The following ZBTB7C variants were observed in gnomAD, a reference collection of about 807,000 sequenced individuals.
ZBTB7C encodes the protein zinc finger and BTB domain-containing protein 7C.
ZBTB7C carries 8 observed loss-of-function variants against 25.7 expected under a neutral mutation model. That is an observed-to-expected ratio of 0.31 (90% CI 0.18 to 0.56). ZBTB7C has a LOEUF of 0.56. ZBTB7C is among the 20% of genes least tolerant of loss of function. The pLI, the probability that ZBTB7C is intolerant of heterozygous loss-of-function variation, is 0.91. For missense variants in ZBTB7C, 824 were observed against 855.2 expected (o/e 0.96, Z 0.46); for synonymous variants, 394 against 369.0 (o/e 1.07, Z -0.78).
intron 4 of ZBTB7C, among the ~76,000 whole-genome samples, chr18:48,033,034 G>T (rs1441432481): frequency 6.6e-6 from 1 of 152,174 alleles, no homozygotes; most frequent in Admixed American, 6.5e-5. Context: ...GCCCCTCCAG[G>T]AGTCTGGGAG....
chr18:48,046,800 GC>G (rs1220829867), intron 3 of ZBTB7C, among the ~76,000 whole-genome samples: 9 of 152,268 alleles, frequency 5.9e-5, no homozygotes, highest in African/African-American at 1.9e-4. Flanking sequence ...ACTTTGGGAG[GC>G]CCTTCCACTT....
At chr18:48,311,471 T>G (rs1027825471) in intron 2 of ZBTB7C, among the ~76,000 whole-genome samples, 2 of 152,172 alleles carry the variant, frequency 1.3e-5, no homozygotes, top group Non-Finnish European at 2.9e-5. Flanking sequence ...TGGAGACATT[T>G]TTGGTTGTCA....
chr18:48,196,268 G>A (rs1195902115), intron 2 of ZBTB7C, among the ~76,000 whole-genome samples: 1 of 152,192 alleles, frequency 6.6e-6, no homozygotes, highest in Non-Finnish European at 1.5e-5. Context: ...ACCCTTTGGG[G>A]AGTGGGCTAT....
At chr18:48,406,029 GA>G (rs1271957573) in intron 1 of ZBTB7C, among the ~76,000 whole-genome samples, 1 of 152,168 alleles carries the variant, frequency 6.6e-6, no homozygotes. Flanking sequence ...ATCCTGGGGA[GA>G]AGTCACTGCT....
chr18:48,361,691 T>C (rs1051602099), intron 1 of ZBTB7C, among the ~76,000 whole-genome samples: 2 of 152,240 alleles, frequency 1.3e-5, no homozygotes, highest in Non-Finnish European at 1.5e-5. Flanking sequence ...TAAAGAAATA[T>C]CAAGCCCAGG....
In ZBTB7C at chr18:48,028,204, C is replaced by A. The variant is rs535801623; in HGVS notation, c.*1056G>T. 1 of 152,176 alleles carries A rather than the reference C, an allele frequency of 6.6e-6. No individual in the cohort carries two copies. The highest frequency in any genetic ancestry group is 1.5e-5 in the Non-Finnish European group (1 of 68,070). 9.4% of individuals were successfully genotyped at this position (152,176 alleles called of 1,614,324 possible). On this transcript the variant is annotated 3_prime_UTR_variant, in exon 5 of 5. Coordinates refer to ENST00000590800, the MANE Select transcript of ZBTB7C (RefSeq NM_001318841.2). ...TGTTGCCAGGTGTTAAGAGGTGGCC[C>A]CCATCTCTTCGATGTTGGCCCTGAG...
In ZBTB7C at chr18:48,160,320, T is replaced by C. The variant is rs2040966371; in HGVS notation, c.-17+25614A>G. Among the ~76,000 whole-genome samples the C allele has an allele frequency of 2.0e-5, 3 of 152,270 alleles. No individual in the cohort carries two copies. In the South Asian group the frequency reaches 6.2e-4, roughly 31 times the overall value. On this transcript the variant is annotated intron_variant, in intron 3 of 4. Coordinates refer to ENST00000590800, the MANE Select transcript of ZBTB7C (RefSeq NM_001318841.2). Reference sequence around the variant, plus strand: ...GTTCATGCATCTCACCGGTATCTACTGAGCAACTACTCTGTGCCACATAGG... The same window carrying C: ...GTTCATGCATCTCACCGGTATCTACCGAGCAACTACTCTGTGCCACATAGG...
chr18:48,046,976 G>C (rs1312964446), intron 3 of ZBTB7C, among the ~76,000 whole-genome samples: 2 of 152,158 alleles, frequency 1.3e-5, no homozygotes, highest in Admixed American at 1.3e-4. Context: ...TTCTCACTGC[G>C]CCTTGGTTTG....
chr18:48,067,380 G>A (rs552773621), intron 3 of ZBTB7C, among the ~76,000 whole-genome samples: 65 of 152,274 alleles, frequency 4.3e-4, no homozygotes, highest in Admixed American at 3.5e-3. Flanking sequence ...GGTGTACAAT[G>A]GTTAATCTTA....
intron 3 of ZBTB7C, among the ~76,000 whole-genome samples, chr18:48,105,834 G>A (rs540909421): frequency 2.6e-5 from 4 of 152,280 alleles, no homozygotes; most frequent in East Asian, 1.9e-4. Context: ...TATTGCACTC[G>A]CAATACCTGG....
intron 2 of ZBTB7C, among the ~76,000 whole-genome samples, chr18:48,282,493 C>A (rs2044894066): frequency 6.6e-6 from 1 of 152,026 alleles, no homozygotes; most frequent in African/African-American, 2.4e-5. Context: ...TATGACCTGG[C>A]AATTCCAGTT....
chr18:48,110,784 G>C (rs2039210137), intron 3 of ZBTB7C, among the ~76,000 whole-genome samples: 1 of 152,176 alleles, frequency 6.6e-6, no homozygotes, highest in Admixed American at 6.5e-5. Context: ...CCTGTCATGG[G>C]AGGGTTGCTG....
intron 3 of ZBTB7C, among the ~76,000 whole-genome samples, chr18:48,183,821 C>A (rs1020645117): frequency 6.6e-6 from 1 of 152,170 alleles, no homozygotes; most frequent in African/African-American, 2.4e-5. Flanking sequence ...ACAAGCCCTG[C>A]CCCCTGCCTC....
intron 3 of ZBTB7C, among the ~76,000 whole-genome samples, chr18:48,167,598 G>GTGTGCGCA (rs918714566): frequency 6.8e-6 from 1 of 146,256 alleles, no homozygotes. Flanking sequence ...GTGTGTGTGT[G>GTGTGCGCA]CGCGCGTGCA....
intron 3 of ZBTB7C, among the ~76,000 whole-genome samples, chr18:48,108,587 T>C (rs1455489485): frequency 6.6e-6 from 1 of 152,110 alleles, no homozygotes; most frequent in Non-Finnish European, 1.5e-5. Flanking sequence ...GCATGTACCA[T>C]TATGCCCAGC....
intron 2 of ZBTB7C, among the ~76,000 whole-genome samples, chr18:48,305,362 G>A (rs1323786448): frequency 6.6e-6 from 1 of 152,178 alleles, no homozygotes; most frequent in Non-Finnish European, 1.5e-5. Context: ...GGGACTGTCA[G>A]GTCCCCAGGA....
chr18:48,387,412 T>G lies in ZBTB7C; in HGVS notation c.-304+21814A>C. Among the ~76,000 whole-genome samples the G allele has an allele frequency of 1.3e-5, 2 of 152,230 alleles. 1 individual carries two copies. The highest frequency in any genetic ancestry group is 3.8e-4 in the East Asian group (2 of 5,200). On this transcript the variant is annotated intron_variant, in intron 1 of 4. Transcript: ENST00000590800. ...TAGATGCTCAAAATGAATGGGGTTT[T>G]ATTTCTAACAGGCAGTTGTAATGGA...
Position 48,027,307 on chromosome 18 carries a change from A to C in ZBTB7C, c.*1953T>G, listed in dbSNP as rs1225243986. Reference sequence around the variant, plus strand: ...GAGTTTATAAGAAGTCATCACCTTTACAAAATAAAAACAAAAGCCCCAACA... The same window carrying C: ...GAGTTTATAAGAAGTCATCACCTTTCCAAAATAAAAACAAAAGCCCCAACA... On this transcript the variant is annotated 3_prime_UTR_variant, in exon 5 of 5. Transcript: ENST00000590800. 6.6e-6 allele frequency: 1 copy of C among 152,092 alleles called. No individual in the cohort carries two copies. The highest frequency in any genetic ancestry group is 1.5e-5 in the Non-Finnish European group (1 of 68,016). 9.4% of individuals were successfully genotyped at this position (152,092 alleles called of 1,614,324 possible).
At chr18:48,284,132 G>C (rs1164538722) in intron 2 of ZBTB7C, among the ~76,000 whole-genome samples, 2 of 151,886 alleles carry the variant, frequency 1.3e-5, no homozygotes, top group African/African-American at 4.8e-5. Context: ...GGGCAACAAA[G>C]AGAGACTCTG....
Sources: gnomAD v4.1 joint callset for allele counts (sites outside exome capture counted in the v4.1 genomes callset) on GRCh38, gnomAD v4.1.1 for gene constraint, MANE v1.5 for transcripts, NCBI Gene and HGNC (gene_info 2026-07-23, HGNC 2026-07-21) for gene names.